Variants in SEC24B observed in about 807,000 individuals in gnomAD.
SEC24B encodes the protein SEC24 homolog B, COPII component.
SEC24B carries 45 observed loss-of-function variants against 142.8 expected under a neutral mutation model. The observed-to-expected ratio is 0.32, with a 90% confidence interval of 0.25 to 0.40. The LOEUF is 0.40. SEC24B is among the 10% of genes least tolerant of loss of function. SEC24B has a pLI of 1.00. For missense variants in SEC24B, 1,409 were observed against 1,526.8 expected (o/e 0.92, Z 1.29); for synonymous variants, 574 against 568.2 (o/e 1.01, Z -0.15).
chr4:109,480,390 T>G (rs940655665), intron 3 of SEC24B, among the ~76,000 whole-genome samples: 8 of 152,182 alleles, frequency 5.3e-5, no homozygotes, highest in African/African-American at 1.9e-4. Context: ...TTTCTGGCTT[T>G]CTTTTTTCTT....
chr4:109,532,538 G>C (rs922679938), intron 20 of SEC24B, 101 bp from the exon 21 acceptor site: 4 of 811,604 alleles, frequency 4.9e-6, no homozygotes, highest in South Asian at 1.6e-5. Context: ...AAACTCCCAA[G>C]TGTTATTTTC....
chr4:109,515,425 G>T (rs1033805594), intron 10 of SEC24B, among the ~76,000 whole-genome samples: 5 of 152,028 alleles, frequency 3.3e-5, no homozygotes, highest in Non-Finnish European at 5.9e-5. Flanking sequence ...TTTAAGAAAA[G>T]ATTTAATATA....
chr4:109,448,957 T>C (rs567596491), intron 1 of SEC24B, among the ~76,000 whole-genome samples: 33 of 152,134 alleles, frequency 2.2e-4, no homozygotes, highest in African/African-American at 7.2e-4. Flanking sequence ...TCCAATGACT[T>C]CCTCGTTTTT....
At chr4:109,439,012 G>C (rs1175585991) in intron 1 of SEC24B, among the ~76,000 whole-genome samples, 1 of 152,052 alleles carries the variant, frequency 6.6e-6, no homozygotes, top group African/African-American at 2.4e-5. Flanking sequence ...GAGGGGATGG[G>C]GCAGTCAGAT....
rs745479398 is a variant in SEC24B, at chr4:109,510,027, G to A, written c.1692G>A (p.Leu564=). The A allele has an allele frequency of 1.7e-5, 27 of 1,604,440 alleles. No individual in the cohort carries two copies. Among genetic ancestry groups the A allele is most frequent in the Non-Finnish European group, 2.3e-5 (27 of 1,176,614 alleles). ...NCSPDSFRCT[L]TNIPQTQALL... ...TTTGCAGTTCATTTCGGTGTACTTT[G>A]ACAAATATTCCACAGACACAGGCTT... is the stretch of plus-strand genomic sequence containing the variant. The change falls in exon 8 of 24, where the codon TTG becomes TTA. Residue 564 remains leucine, a synonymous_variant. Transcript: ENST00000265175.
intron 9 of SEC24B, among the ~76,000 whole-genome samples, chr4:109,512,506 C>G (rs1443805872): frequency 6.6e-6 from 1 of 152,060 alleles, no homozygotes; most frequent in African/African-American, 2.4e-5. Flanking sequence ...ACTAGAGTTG[C>G]TTTCAAATTT....
intron 21 of SEC24B, 53 bp from the exon 22 acceptor site, chr4:109,533,539 GA>G: frequency 4.6e-6 from 5 of 1,090,972 alleles, no homozygotes; most frequent in Non-Finnish European, 5.6e-6. Context: ...GAACATTAAT[GA>G]AAATGAATTA....
At chr4:109,519,459 A>G (rs1187393510) in intron 11 of SEC24B, among the ~76,000 whole-genome samples, 1 of 152,240 alleles carries the variant, frequency 6.6e-6, no homozygotes, top group African/African-American at 2.4e-5. Context: ...GTTTTTGGAA[A>G]GGGCTCTGGA....
At chr4:109,478,568 A>G (rs1733412643) in intron 3 of SEC24B, among the ~76,000 whole-genome samples, 1 of 152,210 alleles carries the variant, frequency 6.6e-6, no homozygotes, top group Non-Finnish European at 1.5e-5. Flanking sequence ...TAAGTGAAGA[A>G]CAGAGGTTAG....
intron 1 of SEC24B, among the ~76,000 whole-genome samples, chr4:109,436,968 G>A (rs993121119): frequency 5.3e-5 from 8 of 152,312 alleles, no homozygotes; most frequent in Middle Eastern, 3.4e-3. Flanking sequence ...ACTTCCACAA[G>A]CCCTTCTACC....
intron 5 of SEC24B, among the ~76,000 whole-genome samples, chr4:109,493,932 C>G (rs1338974729): frequency 6.6e-6 from 1 of 152,146 alleles, no homozygotes; most frequent in Non-Finnish European, 1.5e-5. Flanking sequence ...AACAGTTTTG[C>G]TACTGCAAAT....
chr4:109,514,206 C>CT (rs1158693402), intron 10 of SEC24B, among the ~76,000 whole-genome samples: 1 of 152,088 alleles, frequency 6.6e-6, no homozygotes, highest in Non-Finnish European at 1.5e-5. Flanking sequence ...TTGCCCAAAA[C>CT]TTAAGTTTTT....
chr4:109,533,659 A>G lies in SEC24B; in HGVS notation c.3562A>G (p.Asn1188Asp), dbSNP rs766528035. The G allele has an allele frequency of 6.2e-7, 1 of 1,605,716 alleles. No homozygotes were observed. The change falls in exon 22 of 24, where the codon AAT becomes GAT. Residue 1188 changes from asparagine to aspartate, a missense_variant. By Grantham distance (23) the Asn-to-Asp change is conservative. Transcript: ENST00000265175. ...CATAGAGGATGTGCTTGGATATACT[A>G]ATTTTGCATCAATACCACAGAAAAT... ...NFIEDVLGYT[N>D]FASIPQKMTH...
At chr4:109,441,309 T>G (rs1331394130) in intron 1 of SEC24B, among the ~76,000 whole-genome samples, 4 of 152,248 alleles carry the variant, frequency 2.6e-5, no homozygotes, top group Admixed American at 2.0e-4. Flanking sequence ...TTCATGGCCC[T>G]GTTTATTTGT....
chr4:109,537,341 A>G (rs1253095876), intron 22 of SEC24B, among the ~76,000 whole-genome samples: 2 of 152,244 alleles, frequency 1.3e-5, no homozygotes. Context: ...GCCATTTGAC[A>G]ATGTCTGTGA....
chr4:109,506,745 T>C (rs1056351452), intron 7 of SEC24B, among the ~76,000 whole-genome samples: 2 of 152,180 alleles, frequency 1.3e-5, no homozygotes, highest in African/African-American at 4.8e-5. Context: ...ATTATTTCTA[T>C]TTGAATGAAG....
chr4:109,520,029 T>C (rs1329262591), intron 11 of SEC24B, among the ~76,000 whole-genome samples: 2 of 152,218 alleles, frequency 1.3e-5, no homozygotes, highest in East Asian at 3.8e-4. Context: ...AGATAAAATG[T>C]TTCAGTGTTC....
Position 109,494,606 on chromosome 4 carries a change from A to G in SEC24B, c.1247-9A>G, listed in dbSNP as rs1735341101. On this transcript the variant is annotated splice_polypyrimidine_tract_variant and intron_variant, in intron 5 of 23. Transcript: ENST00000265175. ...TCAGTTGTTAACACCATGTGTTTCC[A>G]TTTTTTAGATATGCTTTCTTCATCA... The G allele has an allele frequency of 6.2e-7, 1 of 1,613,444 alleles. No individual in the cohort carries two copies. Among genetic ancestry groups the G allele is most frequent in the Non-Finnish European group, 8.5e-7 (1 of 1,179,960 alleles).
intron 1 of SEC24B, among the ~76,000 whole-genome samples, chr4:109,449,080 G>A (rs1443450191): frequency 1.3e-5 from 2 of 152,166 alleles, no homozygotes; most frequent in Admixed American, 1.3e-4. Context: ...CACAGGTGAA[G>A]TATGCTTCTT....
Sources: allele counts gnomAD v4.1 joint callset (sites outside exome capture counted in the v4.1 genomes callset), GRCh38; gene constraint gnomAD v4.1.1; transcripts MANE v1.5; gene names NCBI Gene and HGNC (gene_info 2026-07-23, HGNC 2026-07-21).